Variants in PDZD2 observed in about 807,000 individuals in gnomAD.
The protein encoded by PDZD2 is PDZ domain-containing protein 2.
Under a neutral mutation model 220.7 loss-of-function variants are expected in PDZD2, and 90 were observed. The observed-to-expected ratio is 0.41, with a 90% CI of 0.34 to 0.49. PDZD2 has a LOEUF of 0.49. Ranked by LOEUF, PDZD2 falls within the 20% of genes least tolerant of loss-of-function variation. PDZD2 has a pLI of 0.28. For missense variants in PDZD2, 3,174 were observed against 3,608.5 expected, an observed-to-expected ratio of 0.88 and a Z score of 3.08; for synonymous variants, 1,375 against 1,450.5, an observed-to-expected ratio of 0.95 and a Z score of 1.18.
intron 2 of PDZD2, among the ~76,000 whole-genome samples, chr5:31,849,577 C>T (rs1428752716): frequency 6.6e-6 from 1 of 152,068 alleles, no homozygotes; most frequent in Non-Finnish European, 1.5e-5. Context: ...GGCGAGGTGG[C>T]TCACGCCTGT....
intron 2 of PDZD2, among the ~76,000 whole-genome samples, chr5:31,919,760 C>T (rs1300375932): frequency 6.8e-6 from 1 of 146,702 alleles, no homozygotes; most frequent in Non-Finnish European, 1.5e-5. Flanking sequence ...CACCTGTAAT[C>T]CGGGTTATCG....
intron 2 of PDZD2, among the ~76,000 whole-genome samples, chr5:31,886,426 C>G (rs1380022822): frequency 2.6e-5 from 4 of 152,086 alleles, no homozygotes; most frequent in Non-Finnish European, 5.9e-5. Flanking sequence ...AGCTTGCTGC[C>G]CGGACTCCCT....
In PDZD2 at chr5:32,058,000, G is replaced by C; in HGVS notation, c.2097G>C (p.Gly699=). 5.0e-6 allele frequency: 8 copies of C among 1,613,210 alleles called. No individual in the cohort carries two copies. The highest frequency in any genetic ancestry group is 6.8e-6 in the Non-Finnish European group (8 of 1,179,274). Reference sequence around the variant, plus strand: ...CCTCCCCGAACTTCAATACCAGTGGGGGAGCCTCAGCGGGAGGTTCCGATG... The same window carrying C: ...CCTCCCCGAACTTCAATACCAGTGGCGGAGCCTCAGCGGGAGGTTCCGATG... The part of the protein sequence containing the change: ...RSASPNFNTS[G]GASAGGSDEG... The change falls in exon 12 of 25, where the codon GGG becomes GGC. Residue 699 remains glycine (G), a synonymous_variant. Coordinates refer to ENST00000438447, the MANE Select transcript of PDZD2 (RefSeq NM_178140.4).
Position 32,069,139 on chromosome 5 carries a change from G to T in PDZD2, c.2452-430G>T, listed in dbSNP as rs192058628. Among the ~76,000 whole-genome samples, 3 of 151,622 alleles carry T rather than the reference G, an allele frequency of 2.0e-5. No homozygotes were observed. In the East Asian group the frequency reaches 5.8e-4, roughly 29 times the overall value. On this transcript the variant is annotated intron_variant, in intron 14 of 24. Coordinates refer to ENST00000438447, the MANE Select transcript of PDZD2 (RefSeq NM_178140.4). ...AAATTAGCCAGGCGTGGTGGTGCGCGCCTATAGTCCCAGCTACTTGGGAGG... is the reference window on the plus strand; with the variant it reads ...AAATTAGCCAGGCGTGGTGGTGCGCTCCTATAGTCCCAGCTACTTGGGAGG...
chr5:31,821,907 A>G (rs573400860), intron 2 of PDZD2, among the ~76,000 whole-genome samples: 59 of 145,658 alleles, frequency 4.1e-4, no homozygotes, highest in Admixed American at 8.4e-4. Flanking sequence ...GTGTGTTCTC[A>G]TTGTTCAACT....
At chr5:32,078,561 G>T (rs1274095107) in intron 19 of PDZD2, among the ~76,000 whole-genome samples, 6 of 151,498 alleles carry the variant, frequency 4.0e-5, no homozygotes, top group Non-Finnish European at 8.8e-5. Flanking sequence ...GAACCCGGGA[G>T]GTGGAGGTTG....
rs12653430 is a variant in PDZD2 at position 31,949,903 on chromosome 5, C to G, written c.477-33252C>G. Among the ~76,000 whole-genome samples, 349 of 150,832 alleles carry G rather than the reference C, an allele frequency of 2.3e-3. 4 individuals carry two copies. Among genetic ancestry groups the G allele is most frequent in the Admixed American group, 0.018 (274 of 15,098 alleles). ...TTCACCATGTTGGCCAGGCTGGTCT[C>G]AAACTCCTGACCTTGTGATCCTCCC... On this transcript the variant is annotated intron_variant, in intron 2 of 24. Transcript: ENST00000438447.
At chr5:32,036,572 C>A (rs10038433) in intron 6 of PDZD2, among the ~76,000 whole-genome samples, 3,693 of 152,182 alleles carry the variant, frequency 0.024, 152 homozygotes, top group African/African-American at 0.085. Context: ...CTTTGTGTAT[C>A]ACCTCCTGGG....
intron 5 of PDZD2, among the ~76,000 whole-genome samples, chr5:32,007,706 C>T (rs974060393): frequency 6.6e-6 from 1 of 152,210 alleles, no homozygotes; most frequent in Non-Finnish European, 1.5e-5. Context: ...TTAAGACGTT[C>T]TGTGTGTTTC....
chr5:31,698,906 G>A (rs1409901421), intron 1 of PDZD2, among the ~76,000 whole-genome samples: 1 of 152,174 alleles, frequency 6.6e-6, no homozygotes, highest in Non-Finnish European at 1.5e-5. Flanking sequence ...GTTTGTGGCA[G>A]GGCTGGAATG....
chr5:31,871,351 A>G (rs571216001), intron 2 of PDZD2, among the ~76,000 whole-genome samples: 2 of 152,304 alleles, frequency 1.3e-5, no homozygotes, highest in African/African-American at 4.8e-5. Context: ...AGAAGTCTTT[A>G]ATTCGCCCCA....
At chr5:32,027,038 G>A (rs1195920067) in intron 6 of PDZD2, among the ~76,000 whole-genome samples, 3 of 152,174 alleles carry the variant, frequency 2.0e-5, no homozygotes, top group Non-Finnish European at 4.4e-5. Context: ...GAGTAACTGG[G>A]ATTACAGGTG....
chr5:31,926,070 A>T (rs984926917), intron 2 of PDZD2, among the ~76,000 whole-genome samples: 1 of 152,086 alleles, frequency 6.6e-6, no homozygotes, highest in Non-Finnish European at 1.5e-5. Flanking sequence ...AAAGTAAAAA[A>T]AATTAGCCAG....
intron 1 of PDZD2, among the ~76,000 whole-genome samples, chr5:31,769,484 C>T (rs1277452236): frequency 6.6e-6 from 1 of 152,122 alleles, no homozygotes; most frequent in African/African-American, 2.4e-5. Flanking sequence ...GCAGATCAGA[C>T]GTTTTAAAAA....
chr5:32,055,134 A>G (rs1478054737), intron 10 of PDZD2, among the ~76,000 whole-genome samples: 4 of 152,232 alleles, frequency 2.6e-5, no homozygotes, highest in Non-Finnish European at 2.9e-5. Context: ...TTAAGATTAT[A>G]TACTTTTTAT....
Position 31,799,118 on chromosome 5 carries a change from C to T in PDZD2, c.-131C>T. On this transcript the variant is annotated 5_prime_UTR_variant, in exon 2 of 25. Coordinates refer to ENST00000438447, the MANE Select transcript of PDZD2 (RefSeq NM_178140.4). The stretch of plus-strand genomic sequence containing the variant: ...AGTCTCGAGTAGGTGTCCCTAGGCT[C>T]ATCTGCCAGCCTGAACATGAACACA... 1.6e-6 allele frequency: 1 copy of T among 627,706 alleles called. No homozygotes were observed. The allele number at this position is 627,706 out of a possible 1,614,324, so 38.9% of individuals were successfully genotyped here.
intron 2 of PDZD2, among the ~76,000 whole-genome samples, chr5:31,868,237 C>T (rs1267136554): frequency 2.0e-5 from 3 of 152,098 alleles, no homozygotes; most frequent in Non-Finnish European, 4.4e-5. Context: ...CGAGGGTCAG[C>T]AGTTCAAGGC....
intron 3 of PDZD2, among the ~76,000 whole-genome samples, chr5:31,984,682 G>C (rs1750573309): frequency 6.6e-6 from 1 of 152,118 alleles, no homozygotes; most frequent in Non-Finnish European, 1.5e-5. Context: ...TGGGCAACAT[G>C]GTGGAACCCT....
At chr5:32,033,056 G>A (rs567446750) in intron 6 of PDZD2, among the ~76,000 whole-genome samples, 3 of 152,348 alleles carry the variant, frequency 2.0e-5, no homozygotes, top group Non-Finnish European at 2.9e-5. Context: ...TTAGCCAAGA[G>A]GCCGAGAAGC....
Sources: allele counts gnomAD v4.1 joint callset (sites outside exome capture counted in the v4.1 genomes callset), GRCh38; gene constraint gnomAD v4.1.1; transcripts MANE v1.5; gene names NCBI Gene and HGNC (gene_info 2026-07-23, HGNC 2026-07-21).